Variants in PTPDC1 observed in about 807,000 individuals in gnomAD.
PTPDC1 encodes the protein protein tyrosine phosphatase domain containing 1, also known as protein tyrosine phosphatase domain-containing protein 1.
Under a neutral mutation model 75.3 loss-of-function variants are expected in PTPDC1, and 53 were observed. That is an observed-to-expected ratio of 0.70 (90% confidence interval 0.56 to 0.88). The LOEUF (loss-of-function observed/expected upper bound fraction) is 0.88. Among genes scored for constraint, PTPDC1 ranks in the 40% least tolerant of loss-of-function variants. The pLI, the probability that PTPDC1 is intolerant of heterozygous loss-of-function variation, is 0.00. For missense variants in PTPDC1, 925 were observed against 998.6 expected (o/e 0.93, Z 0.99); for synonymous variants, 349 against 366.2 (o/e 0.95, Z 0.54).
At chr9:94,094,346 GGTGTCAGT>G (rs1564030944) in intron 4 of PTPDC1, among the ~76,000 whole-genome samples, 2 of 94,462 alleles carry the variant, frequency 2.1e-5, no homozygotes, top group African/African-American at 1.5e-4. Flanking sequence ...TGCCGTGTGA[GGTGTCAGT>G]GTGCCCCTGC....
At chr9:94,077,591 T>C (rs996158139) in intron 2 of PTPDC1, among the ~76,000 whole-genome samples, 1 of 152,178 alleles carries the variant, frequency 6.6e-6, no homozygotes, top group Non-Finnish European at 1.5e-5. Flanking sequence ...AAGGGTGACA[T>C]ATGGTGGAAG....
chr9:94,084,122 C>G (rs2117965776), upstream of PTPDC1, among the ~76,000 whole-genome samples: 1 of 152,128 alleles, frequency 6.6e-6, no homozygotes, highest in South Asian at 2.1e-4. Flanking sequence ...AGGTTGTGAA[C>G]AGAATAACAG....
At chr9:94,106,240 G>A (rs1384014552) in intron 8 of PTPDC1, among the ~76,000 whole-genome samples, 1 of 152,190 alleles carries the variant, frequency 6.6e-6, no homozygotes, top group African/African-American at 2.4e-5. Context: ...GGTCTCTCAT[G>A]TCTCTTCATA....
At chr9:94,037,588 T>C (rs943023504) in intron 1 of PTPDC1, among the ~76,000 whole-genome samples, 3 of 152,170 alleles carry the variant, frequency 2.0e-5, no homozygotes, top group African/African-American at 7.2e-5. Context: ...TGATTGTTTT[T>C]AAACAGAATT....
At chr9:94,076,884 T>A (rs1227183044) in intron 2 of PTPDC1, among the ~76,000 whole-genome samples, 1 of 152,200 alleles carries the variant, frequency 6.6e-6, no homozygotes. Flanking sequence ...CTAGTAGGTA[T>A]GAAGTGATAT....
chr9:94,091,566 T>C (rs917651451), intron 4 of PTPDC1, among the ~76,000 whole-genome samples: 24 of 151,760 alleles, frequency 1.6e-4, no homozygotes, highest in East Asian at 7.8e-4. Context: ...TGTCTCTGCC[T>C]GGCTTTGGTA....
At chr9:94,041,352 G>A (rs1205390745) in intron 1 of PTPDC1, among the ~76,000 whole-genome samples, 1 of 152,138 alleles carries the variant, frequency 6.6e-6, no homozygotes, top group East Asian at 1.9e-4. Flanking sequence ...TTCAAAACAG[G>A]GAAAACAGAC....
At chr9:94,095,294 CT>C (rs1564031787) in intron 4 of PTPDC1, 22 bp from the exon 5 acceptor site, 1 of 1,590,372 alleles carries the variant, frequency 6.3e-7, no homozygotes, top group African/African-American at 1.4e-5. Context: ...TGTTGATTTT[CT>C]TTTCCTTTTC....
chr9:94,062,839 G>A (rs1019191249), intron 1 of PTPDC1, among the ~76,000 whole-genome samples: 5 of 152,158 alleles, frequency 3.3e-5, no homozygotes, highest in African/African-American at 1.2e-4. Flanking sequence ...TTTTCGGTAG[G>A]CTTTAGGATA....
At chr9:94,098,820 C>T (rs1318924113) in intron 6 of PTPDC1, 1 of 546,092 alleles carries the variant, frequency 1.8e-6, no homozygotes, top group Non-Finnish European at 3.3e-6. Context: ...GATGCTTGAC[C>T]CACACAAGGC....
intron 2 of PTPDC1, among the ~76,000 whole-genome samples, chr9:94,077,381 A>G (rs1826730348): frequency 6.6e-6 from 1 of 152,088 alleles, no homozygotes; most frequent in African/African-American, 2.4e-5. Flanking sequence ...GTCTTATAAG[A>G]TTGCCTCCTA....
At chr9:94,087,807 AC>A in intron 2 of PTPDC1, 23 bp from the exon 3 acceptor site, 1 of 1,578,572 alleles carries the variant, frequency 6.3e-7, no homozygotes, top group Non-Finnish European at 8.7e-7. Flanking sequence ...AGCACATCTC[AC>A]CAGTCCCTCC....
intron 5 of PTPDC1, among the ~76,000 whole-genome samples, chr9:94,096,044 G>T (rs1486749635): frequency 3.3e-5 from 5 of 152,168 alleles, no homozygotes; most frequent in African/African-American, 1.2e-4. Context: ...TTGTGAAGAA[G>T]AGTCTATCTG....
chr9:94,065,183 A>G (rs1826264288), intron 2 of PTPDC1, among the ~76,000 whole-genome samples: 1 of 152,202 alleles, frequency 6.6e-6, no homozygotes, highest in South Asian at 2.1e-4. Context: ...CTCCAGCCCT[A>G]CTTCTCCCAG....
intron 1 of PTPDC1, among the ~76,000 whole-genome samples, chr9:94,055,250 G>T (rs967052375): frequency 1.3e-5 from 2 of 152,068 alleles, no homozygotes; most frequent in African/African-American, 4.8e-5. Context: ...CAAATTATTT[G>T]ACTTTTCTTT....
chr9:94,085,353 C>T lies in PTPDC1; in HGVS notation c.347C>T (p.Ala116Val), dbSNP rs567274018. 140 of 1,614,052 alleles carry T rather than the reference C, an allele frequency of 8.7e-5. No individual in the cohort carries two copies. The highest frequency in any genetic ancestry group is 1.1e-4 in the Non-Finnish European group (132 of 1,180,032). ...MACSMACGGRACKYENPARWS... is the reference protein window; with the variant it reads ...MACSMACGGRVCKYENPARWS... ...TGTTCCATGGCGTGTGGCGGTAGAG[C>T]TTGCAAGTATGAGAACCCAGCCCGC... Residue 116 changes from alanine (A) to valine (V), a missense_variant, in exon 2 of 9, where the codon GCT becomes GTT. Transcript: ENST00000620992.
intron 1 of PTPDC1, among the ~76,000 whole-genome samples, chr9:94,039,502 C>T (rs1045902243): frequency 1.3e-5 from 2 of 151,982 alleles, no homozygotes; most frequent in Non-Finnish European, 2.9e-5. Flanking sequence ...GTAGAAAATA[C>T]CAATAAGGGT....
intron 1 of PTPDC1, among the ~76,000 whole-genome samples, chr9:94,056,332 G>A (rs1200245300): frequency 2.7e-5 from 4 of 149,732 alleles, no homozygotes; most frequent in South Asian, 2.1e-4. Flanking sequence ...TTTTTGCTAC[G>A]TAAGCTTAAG....
chr9:94,033,328 G>C (rs147941620), intron 1 of PTPDC1, among the ~76,000 whole-genome samples: 2 of 152,270 alleles, frequency 1.3e-5, no homozygotes, highest in East Asian at 3.9e-4. Flanking sequence ...GATGTAAGTT[G>C]AATAATCAAA....
Sources: gnomAD v4.1 joint callset for allele counts (sites outside exome capture counted in the v4.1 genomes callset) on GRCh38, gnomAD v4.1.1 for gene constraint, MANE v1.5 for transcripts, NCBI Gene and HGNC (gene_info 2026-07-23, HGNC 2026-07-21) for gene names.